Variants in SLX4IP observed in about 807,000 individuals in gnomAD.
SLX4IP encodes SLX4 interacting protein.
SLX4IP carries 34 observed loss-of-function variants against 32.9 expected under a neutral mutation model. That is an observed-to-expected ratio of 1.03 (90% confidence interval 0.79 to 1.38). The LOEUF (loss-of-function observed/expected upper bound fraction) is 1.38. SLX4IP is among the 40% of genes most tolerant of loss of function. The pLI is 0.00. For synonymous variants in SLX4IP, 172 were observed against 171.7 expected (o/e 1.00, Z -0.01); for missense variants, 444 against 479.0 (o/e 0.93, Z 0.68).
chr20:10,608,907 A>G (rs893660174), intron 6 of SLX4IP, among the ~76,000 whole-genome samples: 1 of 151,996 alleles, frequency 6.6e-6, no homozygotes. Flanking sequence ...CTCCCTAATT[A>G]TTTTCTCCAC....
In SLX4IP at chr20:10,556,339, C is replaced by T. The variant is rs1254259398; in HGVS notation, c.117+19C>T. 3 of 1,605,260 alleles carry T rather than the reference C, an allele frequency of 1.9e-6. No homozygotes were observed. The highest frequency in any genetic ancestry group is 2.6e-6 in the Non-Finnish European group (3 of 1,174,266). ...GAAAGAGGTACAACAAAACTTTCTA[C>T]TATTTAATTGCAAGTAGCTGCTGCT... On this transcript the variant is annotated intron_variant, in intron 3 of 7. Coordinates refer to ENST00000334534, the MANE Select transcript of SLX4IP (RefSeq NM_001009608.3).
intron 4 of SLX4IP, among the ~76,000 whole-genome samples, chr20:10,573,837 T>C (rs970163863): frequency 2.0e-5 from 3 of 152,244 alleles, no homozygotes; most frequent in Non-Finnish European, 2.9e-5. Flanking sequence ...TTTCTTCCCA[T>C]AATGGACTCA....
intron 2 of SLX4IP, among the ~76,000 whole-genome samples, chr20:10,469,554 T>G (rs1296445079): frequency 6.6e-6 from 1 of 152,218 alleles, no homozygotes; most frequent in African/African-American, 2.4e-5. Context: ...ATACTTTTAA[T>G]TTTTTCCAAC....
At chr20:10,509,079 A>T (rs1019677889) in intron 2 of SLX4IP, among the ~76,000 whole-genome samples, 3 of 151,876 alleles carry the variant, frequency 2.0e-5, no homozygotes, top group Admixed American at 2.0e-4. Context: ...CCCTCCTCCC[A>T]CTCCGAGTCA....
In SLX4IP at chr20:10,490,938, G is replaced by A. The variant is rs146497385; in HGVS notation, c.27+32707G>A. ...TTTCACATGCCTCACACCCTCACAG[G>A]GGGGTATCCAGGGTTATGCAAAATT... On this transcript the variant is annotated intron_variant, in intron 2 of 7. Coordinates refer to ENST00000334534, the MANE Select transcript of SLX4IP (RefSeq NM_001009608.3). Among the ~76,000 whole-genome samples, 254 of 152,154 alleles carry A rather than the reference G, an allele frequency of 1.7e-3. 1 individual carries two copies. Among genetic ancestry groups the A allele is most frequent in the African/African-American group, 5.8e-3 (241 of 41,508 alleles).
At chr20:10,538,310 G>T (rs149491333) in intron 2 of SLX4IP, among the ~76,000 whole-genome samples, 2 of 152,066 alleles carry the variant, frequency 1.3e-5, no homozygotes, top group African/African-American at 4.8e-5. Context: ...CTCTACTTTG[G>T]CACTAATGAC....
intron 6 of SLX4IP, among the ~76,000 whole-genome samples, chr20:10,612,399 G>A (rs2066977102): frequency 6.6e-6 from 1 of 152,128 alleles, no homozygotes; most frequent in Non-Finnish European, 1.5e-5. Context: ...AGGAGCCTCA[G>A]CCTGATTCGA....
At chr20:10,585,526 T>G (rs1020128255) in intron 4 of SLX4IP, among the ~76,000 whole-genome samples, 9 of 152,088 alleles carry the variant, frequency 5.9e-5, no homozygotes, top group Non-Finnish European at 1.2e-4. Context: ...CTTTTCCTTT[T>G]CCTTTTCCTT....
chr20:10,595,823 TA>T (rs2088246684), intron 4 of SLX4IP, among the ~76,000 whole-genome samples: 1 of 152,254 alleles, frequency 6.6e-6, no homozygotes, highest in Non-Finnish European at 1.5e-5. Flanking sequence ...CAAAGTTTCA[TA>T]TGACCAGTCG....
At chr20:10,478,052 C>T (rs925817222) in intron 2 of SLX4IP, among the ~76,000 whole-genome samples, 1 of 152,058 alleles carries the variant, frequency 6.6e-6, no homozygotes, top group African/African-American at 2.4e-5. Context: ...GTGCACTCTG[C>T]CACGCCTGGC....
intron 2 of SLX4IP, among the ~76,000 whole-genome samples, chr20:10,552,959 A>G (rs1158750968): frequency 6.6e-6 from 1 of 152,104 alleles, no homozygotes; most frequent in Non-Finnish European, 1.5e-5. Context: ...GAGCACCTGT[A>G]GGAACCTGCA....
At position 10,534,188 on chromosome 20, in the gene SLX4IP, G is replaced by A. The variant is rs535595487; in HGVS notation, c.28-22043G>A. Among the ~76,000 whole-genome samples, 6 of 152,250 alleles carry A rather than the reference G, an allele frequency of 3.9e-5. No individual in the cohort carries two copies. In the South Asian group the frequency reaches 1.0e-3, roughly 26 times the overall value. On this transcript the variant is annotated intron_variant, in intron 2 of 7. Coordinates refer to ENST00000334534, the MANE Select transcript of SLX4IP (RefSeq NM_001009608.3). ...GCCAAGGTTATGAGAGGATTTGTAA[G>A]GCCCTGGGCACCATTAGAACTGCAC...
intron 2 of SLX4IP, among the ~76,000 whole-genome samples, chr20:10,462,115 T>C (rs192700353): frequency 3.0e-3 from 452 of 152,042 alleles, no homozygotes; most frequent in Non-Finnish European, 5.0e-3. Context: ...TGATAAAGTA[T>C]GGGGCAAACA....
At chr20:10,565,784 A>G (rs551997782) in intron 4 of SLX4IP, among the ~76,000 whole-genome samples, 1 of 152,276 alleles carries the variant, frequency 6.6e-6, no homozygotes, top group Non-Finnish European at 1.5e-5. Flanking sequence ...TAACAGCCTG[A>G]CTTTCCCAAC....
intron 5 of SLX4IP, among the ~76,000 whole-genome samples, 188 bp from the exon 6 acceptor site, chr20:10,601,543 C>T (rs1402867169): frequency 2.0e-5 from 3 of 152,196 alleles, no homozygotes; most frequent in African/African-American, 7.2e-5. Flanking sequence ...CATCAGCTCT[C>T]CCTAGAGCTT....
chr20:10,445,932 GCTTTTTT>G (rs149014397), intron 1 of SLX4IP, among the ~76,000 whole-genome samples: 52,605 of 126,004 alleles, frequency 0.42, 10,935 homozygotes, highest in Non-Finnish European at 0.51. Context: ...GGCTGAGATT[GCTTTTTT>G]TTTTTTTTTT....
rs577773681 is a variant in SLX4IP at position 10,624,840 on chromosome 20, C to T, written c.*1461C>T. On this transcript the variant is annotated 3_prime_UTR_variant, in exon 8 of 8. Transcript: ENST00000334534. Reference sequence around the variant, plus strand: ...GAAGCAGCAGCTATATTTCATGGCACCATTTTGGGTCATGAAATTCCATCT... The same window carrying T: ...GAAGCAGCAGCTATATTTCATGGCATCATTTTGGGTCATGAAATTCCATCT... 1 of 152,196 alleles carries T rather than the reference C, an allele frequency of 6.6e-6. No individual in the cohort carries two copies. Among genetic ancestry groups the T allele is most frequent in the Non-Finnish European group, 1.5e-5 (1 of 68,062 alleles). The allele number at this position is 152,196 out of a possible 1,614,324, so 9.4% of individuals were successfully genotyped here. A position where few individuals can be genotyped will look rare whatever the true frequency, so the allele number is the denominator to read the frequency against.
chr20:10,441,552 G>A (rs1484651764), intron 1 of SLX4IP, among the ~76,000 whole-genome samples: 2 of 152,174 alleles, frequency 1.3e-5, no homozygotes, highest in African/African-American at 4.8e-5. Flanking sequence ...CAGATCATGG[G>A]TCAACTGACT....
rs2066324810 is a variant in SLX4IP, at chr20:10,560,837, T to C, written c.238+17T>C. 1 of 1,548,970 alleles carries C rather than the reference T, an allele frequency of 6.5e-7. No individual in the cohort carries two copies. The highest frequency in any genetic ancestry group is 2.1e-5 in the Admixed American group (1 of 46,858). ...CCTTAAAAGGTAGGCACAGAGCACT[T>C]TGATTTTGGACAAAAAATAAATAGA... is the stretch of plus-strand genomic sequence containing the variant. On this transcript the variant is annotated intron_variant, in intron 4 of 7. Transcript: ENST00000334534.
Sources: allele counts gnomAD v4.1 joint callset (sites outside exome capture counted in the v4.1 genomes callset), GRCh38; gene constraint gnomAD v4.1.1; transcripts MANE v1.5; gene names NCBI Gene and HGNC (gene_info 2026-07-23, HGNC 2026-07-21).